DSP: variants seen among roughly 807,000 people sequenced by gnomAD.
DSP encodes the protein 250/210 kDa paraneoplastic pemphigus antigen.
A neutral mutation model predicts 290.6 loss-of-function variants in DSP; 114 were observed. The ratio of observed to expected loss-of-function variants is 0.39; its 90% CI spans 0.34 to 0.46. The LOEUF (loss-of-function observed/expected upper bound fraction) is 0.46, where lower values mean the gene tolerates loss of function less well. Among genes scored for constraint, DSP ranks in the 20% least tolerant of loss-of-function variants. The probability of loss-of-function intolerance (pLI) is 0.99; values close to 1 mark genes in which losing one functional copy is unlikely to be tolerated. For missense variants in DSP, 3,230 were observed against 3,495.8 expected (o/e 0.92, Z 1.92); for synonymous variants, 1,311 against 1,316.4 (o/e 1.00, Z 0.09).
intron 11 of DSP, 130 bp from the exon 12 acceptor site, chr6:7,569,056 T>G (rs892565418): frequency 1.5e-4 from 193 of 1,259,142 alleles, no homozygotes; most frequent in Non-Finnish European, 1.8e-4. Flanking sequence ...GATGATCAGC[T>G]TCATTTGAGG....
intron 5 of DSP, among the ~76,000 whole-genome samples, chr6:7,562,986 C>T (rs1366910502): frequency 6.6e-6 from 1 of 152,152 alleles, no homozygotes; most frequent in Non-Finnish European, 1.5e-5. Flanking sequence ...AGGAGTTAAA[C>T]CAGAGGCTGA....
intron 7 of DSP, among the ~76,000 whole-genome samples, chr6:7,566,173 G>T (rs554765181): frequency 6.6e-6 from 1 of 152,102 alleles, no homozygotes; most frequent in African/African-American, 2.4e-5. Flanking sequence ...GTCATCTTGA[G>T]TAAGCCTCTG....
intron 12 of DSP, among the ~76,000 whole-genome samples, chr6:7,570,092 T>C (rs912652697): frequency 6.6e-6 from 1 of 152,178 alleles, no homozygotes; most frequent in African/African-American, 2.4e-5. Context: ...GGGAGAGTAG[T>C]GTAGTAAGCT....
At position 7,565,549 on chromosome 6, in the gene DSP, C is replaced by G. The variant is rs1758836638; in HGVS notation, c.939+29C>G. ...AGTTCACCCCACGCGGCTGTAGATG[C>G]TTGTCTTGAGCCTGTTGCCTTGAAG... On this transcript the variant is annotated intron_variant, in intron 7 of 23. Transcript: ENST00000379802. The surrounding 1 kb of genome is among the most constrained non-coding windows in gnomAD (Gnocchi z 4.2). 6.2e-7 allele frequency: 1 copy of G among 1,613,416 alleles called. No individual in the cohort carries two copies. The highest frequency in any genetic ancestry group is 1.3e-5 in the African/African-American group (1 of 74,884).
chr6:7,585,877 A>G lies in DSP; in HGVS notation c.8615A>G (p.Ter2872TrpextTer1). ...TTTAGCAGTAGTTCTATTGGGCACT[A>G]GTAGTCAGTTGGGAGTGGTTGCTAT... ...YSFSSSSIGH[*>W] The change falls in exon 24 of 24, where the codon TAG becomes TGG. Residue 2872 changes from the stop codon to tryptophan, a stop_lost. Transcript: ENST00000379802. 1 of 1,613,810 alleles carries G rather than the reference A, an allele frequency of 6.2e-7. No individual in the cohort carries two copies. The highest frequency in any genetic ancestry group is 8.5e-7 in the Non-Finnish European group (1 of 1,179,942).
At position 7,541,970 on chromosome 6, in the gene DSP, C is replaced by T. The variant is rs777340009; in HGVS notation, c.55C>T (p.Arg19Cys). ...GATCAACACTCTGGGCCGCATGATC[C>T]GCGCCGAGTCTGGCCCGGACCTGCG... The part of the protein sequence containing the change: ...PRINTLGRMI[R>C]AESGPDLRYE... Residue 19 changes from arginine (R) to cysteine (C), a missense_variant, in exon 1 of 24, where the codon CGC becomes TGC. By Grantham distance (180) the Arg-to-Cys change is radical (BLOSUM62 -3). Transcript: ENST00000379802. 9 of 1,606,434 alleles carry T rather than the reference C, an allele frequency of 5.6e-6. No individual in the cohort carries two copies. In the Admixed American group the frequency reaches 6.7e-5, roughly 12 times the overall value.
At chr6:7,572,183 A>AT in intron 15 of DSP, 115 bp downstream of exon 15, 1 of 964,608 alleles carries the variant, frequency 1.0e-6, no homozygotes, top group Non-Finnish European at 1.6e-6. Context: ...CTTTCAAGAA[A>AT]ACAGGCTTCT....
intron 1 of DSP, among the ~76,000 whole-genome samples, chr6:7,545,206 T>C (rs892278766): frequency 2.0e-5 from 3 of 152,252 alleles, no homozygotes; most frequent in Non-Finnish European, 2.9e-5. Context: ...GAGATACGTG[T>C]GATCATTATT....
At position 7,584,121 on chromosome 6, in the gene DSP, A is replaced by T. The variant is rs869025396; in HGVS notation, c.6859A>T (p.Thr2287Ser). ...GAAAATTGGCTTAGTCCGACCTGGT[A>T]CTGCTCTGGAGTTGCTGGAAGCCCA... ...AMKIGLVRPG[T>S]ALELLEAQAA... Residue 2287 changes from threonine to serine, a missense_variant, in exon 24 of 24, where the codon ACT (threonine) becomes TCT (serine). By Grantham distance (58) the Thr-to-Ser change is moderately conservative. Transcript: ENST00000379802. The surrounding 1 kb of genome is among the most constrained non-coding windows in gnomAD (Gnocchi z 6.4). The T allele has an allele frequency of 1.9e-6, 3 of 1,614,038 alleles. No individual in the cohort carries two copies. The highest frequency in any genetic ancestry group is 2.5e-6 in the Non-Finnish European group (3 of 1,180,032).
chr6:7,570,865 A>C lies in DSP; in HGVS notation c.1701+302A>C, dbSNP rs1205592254. ...TCTGGACCCTATGCTCCTTTGATGT[A>C]ATGGAAAGTTAGGTCATAAAGGATT... On this transcript the variant is annotated intron_variant, in intron 13 of 23. Transcript: ENST00000379802. 3.3e-5 allele frequency among the ~76,000 whole-genome samples: 5 copies of C among 152,218 alleles called. 1 individual carries two copies. The highest frequency in any genetic ancestry group is 1.2e-4 in the African/African-American group (5 of 41,458).
At chr6:7,575,157 TG>T in intron 17 of DSP, 137 bp from the exon 18 acceptor site, 1 of 827,156 alleles carries the variant, frequency 1.2e-6, no homozygotes, top group Non-Finnish European at 1.9e-6. Flanking sequence ...TATATTTCCC[TG>T]GATTGACTGT....
chr6:7,567,692 T>A lies in DSP; in HGVS notation c.1141-89T>A. On this transcript the variant is annotated intron_variant, in intron 9 of 23. Coordinates refer to ENST00000379802, the MANE Select transcript of DSP (RefSeq NM_004415.4). ...CTTTAGCCACCTGTCAAAGAGATGT[T>A]TAGGGATGACAATCCTTGAAACAGA... The A allele has an allele frequency of 2.5e-6, 4 of 1,592,040 alleles. No homozygotes were observed. In the South Asian group the frequency reaches 4.4e-5, roughly 18 times the overall value.
Position 7,579,316 on chromosome 6 carries a change from A to T in DSP, c.3126A>T (p.Arg1042Ser). 6.2e-7 allele frequency: 1 copy of T among 1,614,194 alleles called. No individual in the cohort carries two copies. The highest frequency in any genetic ancestry group is 8.5e-7 in the Non-Finnish European group (1 of 1,180,026). ...TCGAAGTTTTGGAAGAGGAGCTCAGACTGGCCCGAGATGCCAACTCGGAAA... is the reference window on the plus strand; with the variant it reads ...TCGAAGTTTTGGAAGAGGAGCTCAGTCTGGCCCGAGATGCCAACTCGGAAA... ...TKIEVLEEEL[R>S]LARDANSENC... The change falls in exon 23 of 24, where the codon AGA becomes AGT. Residue 1042 changes from arginine to serine, a missense_variant. Transcript: ENST00000379802. The surrounding 1 kb of genome is among the most constrained non-coding windows in gnomAD (Gnocchi z 4.1).
In DSP at chr6:7,577,779, G is replaced by T. The variant is rs1257587378; in HGVS notation, c.2878G>T (p.Asp960Tyr). ...IAELCANSIK[D>Y]YELQLASYTS... ...TTTCTTAAACTTCATTATGCTGCAGGATTATGAGCTCCAGCTGGCCTCATA... is the reference window on the plus strand; with the variant it reads ...TTTCTTAAACTTCATTATGCTGCAGTATTATGAGCTCCAGCTGGCCTCATA... The change falls in exon 21 of 24, where the codon GAT (aspartate) becomes TAT (tyrosine). Residue 960 changes from aspartate to tyrosine, a missense_variant and splice_region_variant. Coordinates refer to ENST00000379802, the MANE Select transcript of DSP (RefSeq NM_004415.4). 1 of 1,612,796 alleles carries T rather than the reference G, an allele frequency of 6.2e-7. No homozygotes were observed. Among genetic ancestry groups the T allele is most frequent in the Non-Finnish European group, 8.5e-7 (1 of 1,178,988 alleles).
chr6:7,547,601 ATTT>A (rs61417378), intron 1 of DSP, among the ~76,000 whole-genome samples: 13 of 145,320 alleles, frequency 8.9e-5, no homozygotes, highest in South Asian at 2.2e-4. Flanking sequence ...ACTAATTAAA[ATTT>A]TTTTTTTTTT....
At chr6:7,576,867 G>T (rs1759256090) in intron 19 of DSP, 92 bp from the exon 20 acceptor site, 1 of 1,121,658 alleles carries the variant, frequency 8.9e-7, no homozygotes, top group South Asian at 1.4e-5. Flanking sequence ...CTGAAAAAAG[G>T]GTACAAATAA....
intron 4 of DSP, among the ~76,000 whole-genome samples, chr6:7,561,935 T>A (rs891350814): frequency 2.6e-5 from 4 of 152,224 alleles, no homozygotes; most frequent in Non-Finnish European, 4.4e-5. Flanking sequence ...GAACAGTGTG[T>A]GTGATTCTTA....
In DSP at chr6:7,579,604, C is replaced by CT; in HGVS notation, c.3415dup (p.Tyr1139LeufsTer2). On this transcript the variant is annotated frameshift_variant, in exon 23 of 24. Transcript: ENST00000379802. LOFTEE classifies it high-confidence loss of function. The surrounding 1 kb of genome is among the most constrained non-coding windows in gnomAD (Gnocchi z 4.1). Reference sequence around the variant, plus strand: ...ACAGATTTGACCAACAGAAGAATGACTATGACCAACTGCAGAAAGCAAGGC... The same window carrying CT: ...ACAGATTTGACCAACAGAAGAATGACTTATGACCAACTGCAGAAAGCAAGGC... The CT allele has an allele frequency of 6.2e-7, 1 of 1,613,936 alleles. No individual in the cohort carries two copies. Among genetic ancestry groups the CT allele is most frequent in the Non-Finnish European group, 8.5e-7 (1 of 1,180,016 alleles).
At chr6:7,555,471 A>C (rs941535900) in intron 1 of DSP, among the ~76,000 whole-genome samples, 1 of 152,214 alleles carries the variant, frequency 6.6e-6, no homozygotes, top group African/African-American at 2.4e-5. Context: ...TTGGGGGTAG[A>C]AGGGCATGGT....
Sources: gnomAD v4.1 joint callset for allele counts (sites outside exome capture counted in the v4.1 genomes callset) on GRCh38, gnomAD v4.1.1 for gene constraint, Gnocchi (gnomAD v3.1) non-coding constraint, MANE v1.5 for transcripts, NCBI Gene and HGNC (gene_info 2026-07-23, HGNC 2026-07-21) for gene names.